Variants in GFOD1 observed in about 807,000 individuals in gnomAD.
The protein encoded by GFOD1 is glucose-fructose oxidoreductase domain-containing protein 1.
In GFOD1, 9 loss-of-function variants were observed where a neutral mutation model predicts 25.4. The observed-to-expected ratio is 0.35, with a 90% CI of 0.21 to 0.62. The LOEUF (loss-of-function observed/expected upper bound fraction) is 0.62. GFOD1 is among the 20% of genes least tolerant of loss of function. The pLI is 0.72. For synonymous variants in GFOD1, 253 were observed against 245.6 expected, an observed-to-expected ratio of 1.03 and a Z score of -0.28; for missense variants, 403 against 556.9, an observed-to-expected ratio of 0.72 and a Z score of 2.78.
intron 1 of GFOD1, among the ~76,000 whole-genome samples, chr6:13,473,424 C>T (rs992861300): frequency 3.9e-5 from 6 of 152,346 alleles, no homozygotes; most frequent in East Asian, 1.9e-4. Flanking sequence ...CCCTCTAAGG[C>T]GGCCATTTGG....
intron 1 of GFOD1, among the ~76,000 whole-genome samples, chr6:13,400,482 C>G (rs556233606): frequency 4.6e-5 from 7 of 152,212 alleles, no homozygotes; most frequent in Admixed American, 2.0e-4. Context: ...ATGAGGCTCA[C>G]TTTCTTAGCA....
intron 1 of GFOD1, among the ~76,000 whole-genome samples, chr6:13,458,908 T>TA (rs1758241326): frequency 6.6e-6 from 1 of 152,108 alleles, no homozygotes; most frequent in South Asian, 2.1e-4. Flanking sequence ...CTGTGTTTGT[T>TA]TATCAAAGGC....
chr6:13,436,631 T>C (rs891785790), intron 1 of GFOD1, among the ~76,000 whole-genome samples: 7 of 152,234 alleles, frequency 4.6e-5, no homozygotes, highest in South Asian at 2.1e-4. Flanking sequence ...TATTCAGTAT[T>C]ATAACCAATG....
chr6:13,457,184 G>A (rs972546190), intron 1 of GFOD1, among the ~76,000 whole-genome samples: 4 of 152,216 alleles, frequency 2.6e-5, no homozygotes, highest in Admixed American at 1.3e-4. Flanking sequence ...TGGATCCTGA[G>A]TCAGACCTTG....
intron 1 of GFOD1, among the ~76,000 whole-genome samples, chr6:13,479,748 T>C (rs1758706698): frequency 6.6e-6 from 1 of 152,196 alleles, no homozygotes; most frequent in Non-Finnish European, 1.5e-5. Context: ...TTAGATGAAA[T>C]GAGATTGGTG....
intron 1 of GFOD1, among the ~76,000 whole-genome samples, chr6:13,390,777 G>GGAAGGAAGGC (rs1195738735): frequency 1.3e-5 from 1 of 75,424 alleles, no homozygotes; most frequent in Non-Finnish European, 3.0e-5. Flanking sequence ...GAGAGAGAGA[G>GGAAGGAAGGC]AGAAAGGAAG....
intron 1 of GFOD1, among the ~76,000 whole-genome samples, chr6:13,395,928 G>C (rs1250153386): frequency 1.3e-5 from 2 of 152,322 alleles, no homozygotes; most frequent in East Asian, 3.9e-4. Flanking sequence ...ACTCCGTGGG[G>C]GATCTGAGCC....
intron 1 of GFOD1, among the ~76,000 whole-genome samples, chr6:13,411,684 A>G (rs1465840440): frequency 6.6e-6 from 1 of 152,192 alleles, no homozygotes; most frequent in Non-Finnish European, 1.5e-5. Context: ...CTTCCTGTAC[A>G]GTGGCTGCAC....
chr6:13,444,276 CAT>C (rs1562221019), intron 1 of GFOD1, among the ~76,000 whole-genome samples: 2 of 152,166 alleles, frequency 1.3e-5, no homozygotes, highest in Admixed American at 1.3e-4. Flanking sequence ...CCAAATACCA[CAT>C]GTTCTCACTT....
Position 13,413,868 on chromosome 6 carries a change from G to C in GFOD1, c.254-48206C>G, listed in dbSNP as rs1182962594. 2.0e-5 allele frequency among the ~76,000 whole-genome samples: 3 copies of C among 152,100 alleles called. No homozygotes were observed. In the East Asian group the frequency reaches 5.8e-4, roughly 29 times the overall value. ...GTTCCGTCCCTTGCACAGGTTAATG[G>C]GACCAAGAGTCACCTTAGGAATTAT... On this transcript the variant is annotated intron_variant, in intron 1 of 1. Transcript: ENST00000379287.
intron 1 of GFOD1, among the ~76,000 whole-genome samples, chr6:13,466,890 C>A (rs1391898471): frequency 6.6e-6 from 1 of 152,112 alleles, no homozygotes; most frequent in Non-Finnish European, 1.5e-5. Flanking sequence ...CAAGGCATGA[C>A]ACATTGGGCA....
rs1208641678 is a variant in GFOD1, at chr6:13,360,743, C to A, written c.*4000G>T. 2.2e-6 allele frequency: 1 copy of A among 456,762 alleles called. No individual in the cohort carries two copies. The highest frequency in any genetic ancestry group is 4.4e-6 in the Non-Finnish European group (1 of 226,980). 28.3% of individuals were successfully genotyped at this position (456,762 alleles called of 1,614,324 possible). A position where few individuals can be genotyped will look rare whatever the true frequency, so the allele number is the denominator to read the frequency against. ...TTGCATCCTGCTGAACAGGAGGGTG[C>A]TGACAGCAGGCTGAGTGGAGCCGCA... On this transcript the variant is annotated 3_prime_UTR_variant, in exon 2 of 2. Transcript: ENST00000379287.
At chr6:13,373,407 A>C (rs1284081812) in intron 1 of GFOD1, among the ~76,000 whole-genome samples, 1 of 152,148 alleles carries the variant, frequency 6.6e-6, no homozygotes, top group Non-Finnish European at 1.5e-5. Context: ...CTAATACTGG[A>C]CTGTTTATAA....
chr6:13,374,929 G>C (rs1785230218), intron 1 of GFOD1, among the ~76,000 whole-genome samples: 1 of 151,748 alleles, frequency 6.6e-6, no homozygotes, highest in South Asian at 2.1e-4. Flanking sequence ...TTTTAGTAGA[G>C]ACAGGATTTC....
intron 1 of GFOD1, among the ~76,000 whole-genome samples, chr6:13,393,842 C>A (rs1180777800): frequency 8.9e-5 from 12 of 134,630 alleles, no homozygotes; most frequent in Non-Finnish European, 4.6e-5. Flanking sequence ...TACAGTGGTG[C>A]GATCTCGGCT....
chr6:13,458,123 G>C (rs1193750989), intron 1 of GFOD1, among the ~76,000 whole-genome samples: 1 of 152,042 alleles, frequency 6.6e-6, no homozygotes, highest in Non-Finnish European at 1.5e-5. Flanking sequence ...TGTTGTTGTT[G>C]TTGTTGTTGT....
chr6:13,482,250 T>C (rs1417451235), intron 1 of GFOD1, among the ~76,000 whole-genome samples: 2 of 148,576 alleles, frequency 1.3e-5, no homozygotes, highest in South Asian at 4.2e-4. Flanking sequence ...TGATTAAATA[T>C]AATTTATATT....
At chr6:13,420,333 G>A (rs1343037895) in intron 1 of GFOD1, among the ~76,000 whole-genome samples, 1 of 152,202 alleles carries the variant, frequency 6.6e-6, no homozygotes, top group Non-Finnish European at 1.5e-5. Flanking sequence ...GTCTGAGGGC[G>A]AGGGAACAGC....
intron 1 of GFOD1, among the ~76,000 whole-genome samples, chr6:13,389,810 ATT>A (rs1562202097): frequency 6.6e-6 from 1 of 152,034 alleles, no homozygotes; most frequent in Non-Finnish European, 1.5e-5. Flanking sequence ...TATTATTAAT[ATT>A]TTCCAAATAC....
Sources: allele counts gnomAD v4.1 joint callset (sites outside exome capture counted in the v4.1 genomes callset), GRCh38; gene constraint gnomAD v4.1.1; transcripts MANE v1.5; gene names NCBI Gene and HGNC (gene_info 2026-07-23, HGNC 2026-07-21).